AHNAK: variants seen among roughly 807,000 people sequenced by gnomAD.
The protein encoded by AHNAK is neuroblast differentiation-associated protein AHNAK.
A neutral mutation model predicts 37.8 loss-of-function variants in AHNAK; 23 were observed. That is an observed-to-expected ratio of 0.61 (90% CI 0.44 to 0.86). The LOEUF is 0.86. Ranked by LOEUF, AHNAK falls within the 40% of genes least tolerant of loss-of-function variation. AHNAK has a pLI of 0.00. For missense variants in AHNAK, 7,411 were observed against 7,319.4 expected, an observed-to-expected ratio of 1.01 and a Z score of -0.46; for synonymous variants, 2,481 against 2,636.3, an observed-to-expected ratio of 0.94 and a Z score of 1.80.
At chr11:62,474,596 C>A (rs4454725) in intron 5 of AHNAK, among the ~76,000 whole-genome samples, 9,282 of 152,246 alleles carry the variant, frequency 0.061, 954 homozygotes, top group African/African-American at 0.21. Flanking sequence ...TGCCAAAACT[C>A]TGCAGCCTCA....
chr11:62,488,186 C>T (rs542006512), intron 5 of AHNAK, among the ~76,000 whole-genome samples: 11 of 152,158 alleles, frequency 7.2e-5, no homozygotes, highest in Non-Finnish European at 1.5e-4. Context: ...ACATTATGCA[C>T]CCAGTGTACA....
chr11:62,517,806 A>G lies in AHNAK; in HGVS notation c.16611T>C (p.Ala5537=). ...LKGSEVGFHG[A]APDISVKGPA... ...GCCCCTTCACACTGATATCAGGAGC[A>G]GCCCCATGGAAACCTACTTCTGAAC... is the stretch of plus-strand genomic sequence containing the variant. Residue 5537 remains alanine, a synonymous_variant, in exon 5 of 5, where the codon GCT becomes GCC. Transcript: ENST00000378024. The G allele has an allele frequency of 6.2e-7, 1 of 1,614,232 alleles. No individual in the cohort carries two copies. Among genetic ancestry groups the G allele is most frequent in the Non-Finnish European group, 8.5e-7 (1 of 1,180,044 alleles).
chr11:62,458,636 G>A (rs1002937524), intron 5 of AHNAK, among the ~76,000 whole-genome samples: 1 of 152,118 alleles, frequency 6.6e-6, no homozygotes, highest in East Asian at 1.9e-4. Context: ...TCTGTGTCAG[G>A]GTTCATTAGT....
At chr11:62,511,189 T>C (rs1028537889), downstream of AHNAK, among the ~76,000 whole-genome samples, 2 of 151,820 alleles carry the variant, frequency 1.3e-5, no homozygotes, top group East Asian at 3.9e-4. Context: ...TAATCACGCC[T>C]TGCTTTTGAC....
rs1565194563 is a variant in AHNAK, at chr11:62,439,664, G to GTTTTTTTTTTTTTTTTT, written c.443-5774_443-5773insAAAAAAAAAAAAAAAAA. 2.4e-5 allele frequency among the ~76,000 whole-genome samples: 3 copies of GTTTTTTTTTTTTTTTTT among 126,420 alleles called. 1 individual carries two copies. Among genetic ancestry groups the GTTTTTTTTTTTTTTTTT allele is most frequent in the Non-Finnish European group, 3.3e-5 (2 of 60,326 alleles). 82.9% of individuals were successfully genotyped at this position (126,420 alleles called of 152,430 possible). A position where few individuals can be genotyped will look rare whatever the true frequency, so the allele number is the denominator to read the frequency against. On this transcript the variant is annotated intron_variant, in intron 5 of 5. Transcript: ENST00000257247. Reference sequence around the variant, plus strand: ...TTTGGTTTGTTTTGGATTTTTGTGTGATTTTTTTTTTTTTTTTTTTTGAGA... The same window carrying GTTTTTTTTTTTTTTTTT: ...TTTGGTTTGTTTTGGATTTTTGTGTGTTTTTTTTTTTTTTTTTATTTTTTTTTTTTTTTTTTTTGAGA...
At chr11:62,490,197 CTTTTTTTTTTTTTTT>C (rs944550481) in intron 5 of AHNAK, among the ~76,000 whole-genome samples, 4 of 115,932 alleles carry the variant, frequency 3.5e-5, no homozygotes, top group African/African-American at 1.0e-4. Flanking sequence ...TTTTCTTTTT[CTTTTTTTTTTTTTTT>C]TTTTTTTGAG....
Position 62,525,683 on chromosome 11 carries a change from G to C in AHNAK, c.8734C>G (p.Pro2912Ala), listed in dbSNP as rs369247690. 3.7e-6 allele frequency: 6 copies of C among 1,612,814 alleles called. No individual in the cohort carries two copies. Among genetic ancestry groups the C allele is most frequent in the Non-Finnish European group, 5.1e-6 (6 of 1,179,822 alleles). ...FSMPGFKAEG[P>A]EVDVNLPKAD... The stretch of plus-strand genomic sequence containing the variant: ...TTGGGCAGGTTCACATCCACTTCAG[G>C]GCCCTCTGCTTTGAAGCCAGGCATG... Residue 2912 changes from proline (P) to alanine (A), a missense_variant, in exon 5 of 5, where the codon CCT becomes GCT. Coordinates refer to ENST00000378024, the MANE Select transcript of AHNAK (RefSeq NM_001620.3).
At chr11:62,473,975 G>C (rs1415422024) in intron 5 of AHNAK, among the ~76,000 whole-genome samples, 1 of 151,758 alleles carries the variant, frequency 6.6e-6, no homozygotes, top group African/African-American at 2.4e-5. Flanking sequence ...ACTCCAGCCT[G>C]GATGACAGAG....
intron 5 of AHNAK, among the ~76,000 whole-genome samples, chr11:62,478,372 C>T (rs779940678): frequency 1.3e-5 from 2 of 152,218 alleles, no homozygotes; most frequent in Non-Finnish European, 2.9e-5. Flanking sequence ...TACAAGAATG[C>T]CTCTTCTTTG....
At chr11:62,436,132 G>A (rs1938165795) in intron 5 of AHNAK, among the ~76,000 whole-genome samples, 4 of 152,196 alleles carry the variant, frequency 2.6e-5, no homozygotes, top group Admixed American at 2.6e-4. Context: ...GAACAGTTAG[G>A]ATGAACAGGG....
At chr11:62,451,176 C>A (rs1042882265) in intron 5 of AHNAK, among the ~76,000 whole-genome samples, 15 of 150,862 alleles carry the variant, frequency 9.9e-5, no homozygotes, top group African/African-American at 3.6e-4. Context: ...CGCCTCCTGG[C>A]TTCAAAGCAA....
chr11:62,492,157 A>G (rs12294680), intron 4 of AHNAK, among the ~76,000 whole-genome samples: 22,083 of 152,154 alleles, frequency 0.15, 3,955 homozygotes, highest in African/African-American at 0.42. Flanking sequence ...AGGGCTTTGC[A>G]AGGACAGAAG....
At chr11:62,503,292 A>G (rs891389393) in intron 4 of AHNAK, among the ~76,000 whole-genome samples, 15 of 152,248 alleles carry the variant, frequency 9.9e-5, no homozygotes, top group Non-Finnish European at 1.5e-4. Context: ...CGGAAACTGT[A>G]AAACAACGAA....
rs1375390867 is a variant in AHNAK at position 62,521,510 on chromosome 11, G to A, written c.12907C>T (p.Pro4303Ser). 6.2e-7 allele frequency: 1 copy of A among 1,612,534 alleles called. No individual in the cohort carries two copies. The highest frequency in any genetic ancestry group is 8.5e-7 in the Non-Finnish European group (1 of 1,179,728). Reference sequence around the variant, plus strand: ...TCTGGGCCATGAACATCTACATCAGGGGCATCGATGTCCACTTTGGGGCCC... The same window carrying A: ...TCTGGGCCATGAACATCTACATCAGAGGCATCGATGTCCACTTTGGGGCCC... ...IKGPKVDIDA[P>S]DVDVHGPDWH... The change falls in exon 5 of 5, where the codon CCT becomes TCT. Residue 4303 changes from proline (P) to serine (S), a missense_variant. Physicochemically the swap from Pro to Ser is moderately conservative, Grantham distance 74. Transcript: ENST00000378024.
chr11:62,457,843 C>T (rs925649146), intron 5 of AHNAK, among the ~76,000 whole-genome samples: 8 of 151,844 alleles, frequency 5.3e-5, no homozygotes, highest in Admixed American at 2.6e-4. Context: ...ATGCTCACCA[C>T]TTGGGTCCAA....
Position 62,516,921 on chromosome 11 carries a change from G to A in AHNAK, c.17496C>T (p.Ser5832=). The A allele has an allele frequency of 6.2e-7, 1 of 1,614,052 alleles. No homozygotes were observed. The highest frequency in any genetic ancestry group is 8.5e-7 in the Non-Finnish European group (1 of 1,180,008). The change falls in exon 5 of 5, where the codon AGC becomes AGT. Residue 5832 remains serine, a synonymous_variant. Coordinates refer to ENST00000378024, the MANE Select transcript of AHNAK (RefSeq NM_001620.3). ...TCCCAGTCACCTCATAATGACCTTT[G>A]CTCTTTGACCCCAATCCACCAAAGG... The part of the protein sequence containing the change: ...FGTFGGLGSK[S]KGHYEVTGSD...
In AHNAK at chr11:62,517,573, C is replaced by A. The variant is rs375509429; in HGVS notation, c.16844G>T (p.Gly5615Val). The change falls in exon 5 of 5, where the codon GGG (glycine) becomes GTG (valine). Residue 5615 changes from glycine to valine, a missense_variant. Physicochemically the swap from Gly to Val is moderately radical, Grantham distance 109. Transcript: ENST00000378024. ...ALNLDTSKFA[G>V]GLHFSGPKVE... ...CTTTGGTCCTGAGAAATGAAGGCCC[C>A]CAGCAAACTTAGATGTGTCCAAGTT... The A allele has an allele frequency of 4.3e-6, 7 of 1,614,004 alleles. No individual in the cohort carries two copies. In the African/African-American group the frequency reaches 6.7e-5, roughly 15 times the overall value.
downstream of AHNAK, among the ~76,000 whole-genome samples, chr11:62,513,810 T>C (rs1939958676): frequency 6.6e-6 from 1 of 152,194 alleles, no homozygotes; most frequent in African/African-American, 2.4e-5. Flanking sequence ...GCTAGTTGCC[T>C]TGTCCCTTCT....
intron 1 of AHNAK, among the ~76,000 whole-genome samples, chr11:62,537,882 C>G (rs1941002061): frequency 6.6e-6 from 1 of 152,180 alleles, no homozygotes; most frequent in Middle Eastern, 3.4e-3. Context: ...TGGGGTTTCA[C>G]CATCTTAGCC....
Sources: gnomAD v4.1 joint callset for allele counts (sites outside exome capture counted in the v4.1 genomes callset) on GRCh38, gnomAD v4.1.1 for gene constraint, MANE v1.5 for transcripts, NCBI Gene and HGNC (gene_info 2026-07-23, HGNC 2026-07-21) for gene names.